The following MACROD2 variants were observed in gnomAD, a reference collection of about 807,000 sequenced individuals.
MACROD2 encodes mono-ADP ribosylhydrolase 2, also known as ADP-ribose glycohydrolase MACROD2.
A neutral mutation model predicts 70.4 loss-of-function variants in MACROD2; 36 were observed. The ratio of observed to expected loss-of-function variants is 0.51; its 90% CI spans 0.39 to 0.68. The LOEUF (loss-of-function observed/expected upper bound fraction) is 0.68, where lower values mean the gene tolerates loss of function less well. Ranked by LOEUF, MACROD2 falls within the 30% of genes least tolerant of loss-of-function variation. The pLI, the probability that MACROD2 is intolerant of heterozygous loss-of-function variation, is 0.00. For synonymous variants in MACROD2, 172 were observed against 178.8 expected (o/e 0.96, Z 0.30); for missense variants, 496 against 538.4 (o/e 0.92, Z 0.78).
At position 15,431,443 on chromosome 20, in the gene MACROD2, A is replaced by ATACAGCTT; in HGVS notation, c.571+10_571+17dup. On this transcript the variant is annotated intron_variant, in intron 7 of 17. Transcript: ENST00000684519. ...TCTCAACAGGCATTTATGGTAAGTG[A>ATACAGCTT]TACAGCTTTTGATGATGTTTGTATT... The ATACAGCTT allele has an allele frequency of 6.2e-7, 1 of 1,610,090 alleles. No homozygotes were observed. The highest frequency in any genetic ancestry group is 1.1e-5 in the South Asian group (1 of 90,820).
chr20:15,230,022 A>G lies in MACROD2; in HGVS notation c.501A>G (p.Ser167=), dbSNP rs368006162. 80 of 1,613,724 alleles carry G rather than the reference A, an allele frequency of 5.0e-5. No homozygotes were observed. The highest frequency in any genetic ancestry group is 4.7e-5 in the Non-Finnish European group (55 of 1,179,764). The part of the protein sequence containing the change: ...HKEDLANCYK[S]SLKLVKENNI... ...AAGACCTTGCAAATTGCTATAAATC[A>G]TCTCTGAAGCTCGTGAAAGAAAATA... The change falls in exon 6 of 18, where the codon TCA becomes TCG. Residue 167 remains serine (S), a synonymous_variant. Transcript: ENST00000684519.
intron 15 of MACROD2, among the ~76,000 whole-genome samples, chr20:16,020,820 C>G (rs934837924): frequency 9.9e-5 from 15 of 151,986 alleles, no homozygotes; most frequent in Non-Finnish European, 2.9e-5. Context: ...AAGCCTCGCT[C>G]GGCTCTGGTC....
intron 5 of MACROD2, chr20:14,905,124 CA>C (rs2073943447): frequency 6.6e-6 from 1 of 152,056 alleles, no homozygotes; most frequent in South Asian, 2.1e-4. Context: ...GTGACATTTA[CA>C]CAAGAGAAAT....
At chr20:15,156,602 C>T (rs2076308552) in intron 5 of MACROD2, among the ~76,000 whole-genome samples, 1 of 152,114 alleles carries the variant, frequency 6.6e-6, no homozygotes, top group Admixed American at 6.5e-5. Flanking sequence ...GATCTCCTAC[C>T]CTAAGCTCAT....
intron 3 of MACROD2, among the ~76,000 whole-genome samples, chr20:14,238,402 A>G (rs562059460): frequency 4.1e-4 from 62 of 152,350 alleles, no homozygotes; most frequent in African/African-American, 1.5e-3. Context: ...TTGAAGGAAC[A>G]TAATTCAAAA....
Position 14,035,419 on chromosome 20 carries a change from T to C in MACROD2, c.163+33015T>C, listed in dbSNP as rs188932881. Among the ~76,000 whole-genome samples, 46 of 152,342 alleles carry C rather than the reference T, an allele frequency of 3.0e-4. 1 individual carries two copies. In the East Asian group the frequency reaches 7.9e-3, roughly 26 times the overall value. On this transcript the variant is annotated intron_variant, in intron 2 of 17. Coordinates refer to ENST00000684519, the MANE Select transcript of MACROD2 (RefSeq NM_001351661.2). Reference sequence around the variant, plus strand: ...ACAAGAAGGTAAAGATACCTAACTTTTATATCAGTATGTGGTCTTGTGCAA... The same window carrying C: ...ACAAGAAGGTAAAGATACCTAACTTCTATATCAGTATGTGGTCTTGTGCAA...
intron 5 of MACROD2, among the ~76,000 whole-genome samples, chr20:14,824,879 G>A (rs555896569): frequency 1.8e-4 from 28 of 152,076 alleles, no homozygotes; most frequent in Middle Eastern, 6.8e-3. Context: ...ACCATGTGCC[G>A]GTCACTGTCC....
intron 15 of MACROD2, among the ~76,000 whole-genome samples, chr20:16,039,690 G>A (rs758758295): frequency 4.6e-5 from 7 of 151,952 alleles, no homozygotes; most frequent in Non-Finnish European, 1.0e-4. Flanking sequence ...CAAGGAGTAT[G>A]TTGATGAACA....
intron 5 of MACROD2, among the ~76,000 whole-genome samples, chr20:14,734,325 T>C (rs2123707735): frequency 6.6e-6 from 1 of 151,964 alleles, no homozygotes; most frequent in East Asian, 1.9e-4. Flanking sequence ...AGTGAAACCC[T>C]GTCTCTACTA....
At chr20:15,876,767 C>T (rs1477459407) in intron 9 of MACROD2, among the ~76,000 whole-genome samples, 3 of 152,124 alleles carry the variant, frequency 2.0e-5, no homozygotes, top group Non-Finnish European at 4.4e-5. Flanking sequence ...ACGTCGTCTC[C>T]AGCACCTGTT....
At chr20:14,308,678 G>T (rs1023623753) in intron 3 of MACROD2, among the ~76,000 whole-genome samples, 6 of 152,092 alleles carry the variant, frequency 3.9e-5, no homozygotes, top group Non-Finnish European at 7.4e-5. Context: ...TGTGTACATG[G>T]AAGGCCACCT....
chr20:15,777,949 C>A (rs2051761116), intron 8 of MACROD2, among the ~76,000 whole-genome samples: 1 of 152,116 alleles, frequency 6.6e-6, no homozygotes, highest in Admixed American at 6.5e-5. Flanking sequence ...CTGCACCCCA[C>A]CAGAGCCAGG....
intron 3 of MACROD2, among the ~76,000 whole-genome samples, chr20:14,341,129 C>T (rs2083008658): frequency 6.6e-6 from 1 of 152,214 alleles, no homozygotes; most frequent in Admixed American, 6.5e-5. Flanking sequence ...ATTCAGTCTT[C>T]ACATTCATTT....
rs544206325 is a variant in MACROD2 at position 15,220,231 on chromosome 20, C to T, written c.419-9709C>T. Among the ~76,000 whole-genome samples the T allele has an allele frequency of 3.3e-5, 5 of 152,308 alleles. No homozygotes were observed. In the South Asian group the frequency reaches 1.0e-3, roughly 32 times the overall value. ...GCTTGCCCAGTCTAGATTATCCCTT[C>T]TACCTCATTGTTTTCTCTAATCTGG... is the stretch of plus-strand genomic sequence containing the variant. On this transcript the variant is annotated intron_variant, in intron 5 of 17. Transcript: ENST00000684519.
At chr20:14,778,537 A>G (rs2072261580) in intron 5 of MACROD2, among the ~76,000 whole-genome samples, 1 of 152,080 alleles carries the variant, frequency 6.6e-6, no homozygotes, top group Non-Finnish European at 1.5e-5. Context: ...TAGATCCAAA[A>G]TGAATTCAGA....
chr20:15,827,941 T>C (rs2064015213), intron 8 of MACROD2, among the ~76,000 whole-genome samples: 1 of 152,194 alleles, frequency 6.6e-6, no homozygotes, highest in South Asian at 2.1e-4. Context: ...ATGGTCCAGC[T>C]CACTTATCAT....
At chr20:15,948,108 C>T (rs1043373089) in intron 12 of MACROD2, among the ~76,000 whole-genome samples, 4 of 151,912 alleles carry the variant, frequency 2.6e-5, no homozygotes, top group Non-Finnish European at 2.9e-5. Context: ...TTTCCTAGGC[C>T]GACTAAGAAT....
intron 3 of MACROD2, among the ~76,000 whole-genome samples, chr20:14,230,654 T>TATATATATAAAAA: frequency 2.7e-5 from 2 of 74,240 alleles, no homozygotes; most frequent in Non-Finnish European, 4.7e-5. Flanking sequence ...TATATATATA[T>TATATATATAAAAA]AACACAGGCT....
intron 3 of MACROD2, among the ~76,000 whole-genome samples, chr20:14,393,121 C>T (rs1033207236): frequency 1.3e-5 from 2 of 152,134 alleles, no homozygotes; most frequent in African/African-American, 2.4e-5. Context: ...ATTATCATTA[C>T]AGTTTAGAGG....
Sources: gnomAD v4.1 joint callset for allele counts (sites outside exome capture counted in the v4.1 genomes callset) on GRCh38, gnomAD v4.1.1 for gene constraint, MANE v1.5 for transcripts, NCBI Gene and HGNC (gene_info 2026-07-23, HGNC 2026-07-21) for gene names.